The following GRIK1 variants were observed in gnomAD, a reference collection of about 807,000 sequenced individuals.
GRIK1 encodes the protein glutamate ionotropic receptor kainate type subunit 1, also known as glutamate receptor ionotropic, kainate 1.
Under a neutral mutation model 105.7 loss-of-function variants are expected in GRIK1, and 69 were observed. The observed-to-expected ratio is 0.65, with a 90% confidence interval of 0.54 to 0.80. The LOEUF (loss-of-function observed/expected upper bound fraction) is 0.80. Ranked by LOEUF, GRIK1 falls within the 30% of genes least tolerant of loss-of-function variation. The probability of loss-of-function intolerance (pLI) is 0.00; values close to 1 mark genes in which losing one functional copy is unlikely to be tolerated. For synonymous variants in GRIK1, 438 were observed against 431.3 expected (o/e 1.02, Z -0.19); for missense variants, 1,109 against 1,167.3 (o/e 0.95, Z 0.73).
chr21:29,921,606 A>G (rs1373141913), intron 1 of GRIK1, among the ~76,000 whole-genome samples: 1 of 152,130 alleles, frequency 6.6e-6, no homozygotes, highest in Admixed American at 6.5e-5. Flanking sequence ...AGTTTCAAGA[A>G]AAAGTTGAGT....
At chr21:29,905,717 C>T (rs987658007) in intron 1 of GRIK1, among the ~76,000 whole-genome samples, 7 of 137,998 alleles carry the variant, frequency 5.1e-5, no homozygotes, top group East Asian at 4.2e-4. Context: ...AGCTCCGCCT[C>T]CCAGGTTCAC....
chr21:29,696,884 C>A (rs2063712931), intron 1 of GRIK1, among the ~76,000 whole-genome samples: 1 of 152,208 alleles, frequency 6.6e-6, no homozygotes, highest in African/African-American at 2.4e-5. Context: ...GAAACCTGAT[C>A]TACCTACTTC....
intron 7 of GRIK1, among the ~76,000 whole-genome samples, chr21:29,602,237 C>T (rs2061532794): frequency 6.6e-6 from 1 of 152,162 alleles, no homozygotes; most frequent in Non-Finnish European, 1.5e-5. Context: ...ATTCATGAAG[C>T]ACCTATGATC....
chr21:29,745,506 C>G (rs1187728087), intron 1 of GRIK1, among the ~76,000 whole-genome samples: 1 of 152,178 alleles, frequency 6.6e-6, no homozygotes, highest in Admixed American at 6.5e-5. Flanking sequence ...CAATAGATTG[C>G]TAGCAATAGA....
chr21:29,655,564 C>T (rs2062832870), intron 4 of GRIK1, among the ~76,000 whole-genome samples: 1 of 152,132 alleles, frequency 6.6e-6, no homozygotes, highest in Admixed American at 6.5e-5. Context: ...TAGCATAATG[C>T]CACCCTCATT....
intron 1 of GRIK1, among the ~76,000 whole-genome samples, chr21:29,746,977 G>A (rs2065063375): frequency 6.6e-6 from 1 of 152,134 alleles, no homozygotes; most frequent in Non-Finnish European, 1.5e-5. Flanking sequence ...TTTTTCATCG[G>A]TTTACTTAGA....
chr21:29,593,013 A>G (rs1186265980), intron 9 of GRIK1, among the ~76,000 whole-genome samples: 3 of 152,144 alleles, frequency 2.0e-5, no homozygotes, highest in Admixed American at 2.0e-4. Context: ...ACTCTGATTT[A>G]TTGCCTATAT....
intron 15 of GRIK1, among the ~76,000 whole-genome samples, chr21:29,560,291 C>CTTTCTTTCTTTCT (rs2090364468): frequency 1.3e-5 from 1 of 77,336 alleles, no homozygotes; most frequent in Admixed American, 1.3e-4. Flanking sequence ...TTCTTTCTTT[C>CTTTCTTTCTTTCT]TTTCTTTCTT....
chr21:29,707,011 C>CTACA, intron 1 of GRIK1, among the ~76,000 whole-genome samples: 1 of 152,098 alleles, frequency 6.6e-6, no homozygotes, highest in Non-Finnish European at 1.5e-5. Flanking sequence ...ACTACAGGTG[C>CTACA]CCGCCACCGC....
rs2090387738 is a variant in GRIK1, at chr21:29,560,354, T to TCTTTCTTC, written c.2356+1269_2356+1270insGAAGAAAG. Among the ~76,000 whole-genome samples the TCTTTCTTC allele has an allele frequency of 3.9e-5, 4 of 103,364 alleles. No homozygotes were observed. The East Asian group carries it at 1.1e-3, about 28-fold the overall frequency. 67.8% of individuals were successfully genotyped at this position (103,364 alleles called of 152,430 possible). ...TTCTTTCTTTCTTTCTTTCTTTCTTTCTTTTTCTTTCTTCCTTCCTTCCTT... is the reference window on the plus strand; with the variant it reads ...TTCTTTCTTTCTTTCTTTCTTTCTTTCTTTCTTCCTTTTTCTTTCTTCCTTCCTTCCTT... On this transcript the variant is annotated intron_variant, in intron 15 of 17. Transcript: ENST00000327783.
intron 3 of GRIK1, among the ~76,000 whole-genome samples, chr21:29,675,223 T>C (rs2063242828): frequency 6.6e-6 from 1 of 152,202 alleles, no homozygotes; most frequent in Non-Finnish European, 1.5e-5. Context: ...GACGTCACCA[T>C]CCTGCCTTAT....
intron 1 of GRIK1, among the ~76,000 whole-genome samples, chr21:29,700,224 A>G (rs767010423): frequency 9.2e-5 from 14 of 152,126 alleles, no homozygotes; most frequent in Non-Finnish European, 1.2e-4. Context: ...ACACAGATGG[A>G]AGCCACAGCT....
chr21:29,648,487 G>A (rs1165555211), intron 6 of GRIK1, among the ~76,000 whole-genome samples: 2 of 152,118 alleles, frequency 1.3e-5, no homozygotes, highest in Admixed American at 1.3e-4. Flanking sequence ...AACATCTTCA[G>A]TTTTAGTAGA....
chr21:29,840,621 A>T (rs568919409), intron 1 of GRIK1, among the ~76,000 whole-genome samples: 1 of 152,304 alleles, frequency 6.6e-6, no homozygotes, highest in South Asian at 2.1e-4. Flanking sequence ...GGGTGGATCA[A>T]GTTTGACTAA....
At chr21:29,630,017 C>G (rs181431849) in intron 7 of GRIK1, among the ~76,000 whole-genome samples, 2 of 152,012 alleles carry the variant, frequency 1.3e-5, no homozygotes, top group Admixed American at 6.6e-5. Flanking sequence ...GCCTGGGCAT[C>G]GGGAAAGAGA....
At chr21:29,722,173 C>G (rs1031885841) in intron 1 of GRIK1, among the ~76,000 whole-genome samples, 2 of 152,108 alleles carry the variant, frequency 1.3e-5, no homozygotes, top group Admixed American at 1.3e-4. Flanking sequence ...GTGGTCCTCA[C>G]TGATAATGGA....
intron 1 of GRIK1, among the ~76,000 whole-genome samples, chr21:29,707,635 A>G (rs991117639): frequency 5.9e-5 from 9 of 151,872 alleles, no homozygotes; most frequent in Non-Finnish European, 1.2e-4. Flanking sequence ...AGTTGGGCCT[A>G]CAGGCGTTCG....
chr21:29,752,175 T>G (rs1308290163), intron 1 of GRIK1, among the ~76,000 whole-genome samples: 4 of 152,218 alleles, frequency 2.6e-5, no homozygotes, highest in Admixed American at 1.3e-4. Flanking sequence ...CCTTGGACTT[T>G]TAACGCTTCT....
At chr21:29,746,109 T>TA (rs200799075) in intron 1 of GRIK1, among the ~76,000 whole-genome samples, 20 of 147,802 alleles carry the variant, frequency 1.4e-4, no homozygotes, top group South Asian at 2.2e-4. Flanking sequence ...GTTTCAAAAA[T>TA]AAAAAAAAAA....
Sources: allele counts gnomAD v4.1 joint callset (sites outside exome capture counted in the v4.1 genomes callset), GRCh38; gene constraint gnomAD v4.1.1; transcripts MANE v1.5; gene names NCBI Gene and HGNC (gene_info 2026-07-23, HGNC 2026-07-21).